ZNF469: variants seen among roughly 807,000 people sequenced by gnomAD.
ZNF469 encodes zinc finger protein 469.
ZNF469 carries 1 observed loss-of-function variant against 1.0 expected under a neutral mutation model. That is an observed-to-expected ratio of 1.00 (90% CI 0.35 to 4.73). The LOEUF is 4.73. Ranked by LOEUF, ZNF469 falls within the 30% of genes most tolerant of loss-of-function variation. ZNF469 has a pLI of 0.16. For missense variants in ZNF469, 6,100 were observed against 5,356.3 expected, an observed-to-expected ratio of 1.14 and a Z score of -4.33; for synonymous variants, 2,703 against 2,363.4, an observed-to-expected ratio of 1.14 and a Z score of -4.17.
chr16:88,176,738 T>A, the ZNF469 span, among the ~76,000 whole-genome samples: 1 of 152,198 alleles, frequency 6.6e-6, no homozygotes, highest in Non-Finnish European at 1.5e-5. Context: ...CCGGCCCACA[T>A]ACAGCCCCGG....
At chr16:88,108,251 G>T in the ZNF469 span, among the ~76,000 whole-genome samples, 1 of 150,956 alleles carries the variant, frequency 6.6e-6, no homozygotes, top group East Asian at 1.9e-4. Flanking sequence ...GGGGGTCCAT[G>T]TCTGTGGGGA....
At chr16:88,406,483 C>G (rs974607174) in intron 1 of ZNF469, among the ~76,000 whole-genome samples, 4 of 152,246 alleles carry the variant, frequency 2.6e-5, no homozygotes, top group African/African-American at 9.6e-5. Flanking sequence ...TCCAGGTAGC[C>G]TGCGCCTGCC....
chr16:88,120,198 A>G, the ZNF469 span, among the ~76,000 whole-genome samples: 1 of 152,074 alleles, frequency 6.6e-6, no homozygotes, highest in African/African-American at 2.4e-5. Flanking sequence ...GTGGTTGCCG[A>G]GGAGGAGAGC....
At chr16:88,398,323 C>A (rs948893753) in intron 1 of ZNF469, among the ~76,000 whole-genome samples, 70 of 151,592 alleles carry the variant, frequency 4.6e-4, no homozygotes, top group Non-Finnish European at 7.2e-4. Flanking sequence ...AGATGAAGGG[C>A]CACGTGAGCC....
At chr16:88,371,284 T>G in the ZNF469 span, among the ~76,000 whole-genome samples, 2 of 152,204 alleles carry the variant, frequency 1.3e-5, no homozygotes, top group Admixed American at 6.5e-5. Context: ...AATGCTCCGA[T>G]AGATAAACAA....
At chr16:88,366,848 C>T in the ZNF469 span, among the ~76,000 whole-genome samples, 1 of 150,604 alleles carries the variant, frequency 6.6e-6, no homozygotes, top group African/African-American at 2.4e-5. Context: ...TCATTACCAT[C>T]ACTACCACAC....
the ZNF469 span, among the ~76,000 whole-genome samples, chr16:88,261,430 TG>T: frequency 2.6e-5 from 4 of 152,106 alleles, no homozygotes; most frequent in African/African-American, 9.7e-5. The surrounding 1 kb of genome is among the most constrained non-coding windows in gnomAD (Gnocchi z 6.0). Flanking sequence ...CAGTAGGTCA[TG>T]CCCCCCGCTG....
Position 88,434,549 on chromosome 16 carries a change from C to G in ZNF469, c.7079C>G (p.Pro2360Arg), listed in dbSNP as rs76389306. ...TEPPTLQGAG[P>R]DSPACLEGEM... The stretch of plus-strand genomic sequence containing the variant: ...CCTCCCACGCTACAGGGTGCAGGGC[C>G]GGACTCCCCCGCCTGCCTGGAAGGT... Residue 2360 changes from proline to arginine, a missense_variant, in exon 3 of 3, where the codon CCG becomes CGG. Coordinates refer to ENST00000565624, the MANE Select transcript of ZNF469 (RefSeq NM_001367624.2). The G allele has an allele frequency of 6.5e-7, 1 of 1,550,216 alleles. No individual in the cohort carries two copies. The highest frequency in any genetic ancestry group is 1.4e-5 in the African/African-American group (1 of 73,056).
At chr16:88,334,713 G>A in the ZNF469 span, among the ~76,000 whole-genome samples, 1 of 152,248 alleles carries the variant, frequency 6.6e-6, no homozygotes, top group Admixed American at 6.5e-5. Flanking sequence ...TCCTGGACCA[G>A]GGTGGGGCCT....
chr16:88,245,705 G>T, the ZNF469 span, among the ~76,000 whole-genome samples: 1 of 152,250 alleles, frequency 6.6e-6, no homozygotes, highest in African/African-American at 2.4e-5. Context: ...AGACTCCCCG[G>T]CCTATTTTTA....
intron 1 of ZNF469, among the ~76,000 whole-genome samples, chr16:88,404,149 C>T (rs972007474): frequency 2.0e-5 from 3 of 151,216 alleles, no homozygotes; most frequent in African/African-American, 7.3e-5. Flanking sequence ...TAAACATATA[C>T]AAGAGCAGCG....
the ZNF469 span, among the ~76,000 whole-genome samples, chr16:88,275,164 C>T: frequency 2.0e-5 from 3 of 152,134 alleles, no homozygotes; most frequent in Admixed American, 6.6e-5. Flanking sequence ...GAGCCTGCCG[C>T]GCATTTGGCC....
Position 88,428,591 on chromosome 16 carries a change from A to G in ZNF469, c.1121A>G (p.Lys374Arg), listed in dbSNP as rs1485560297. The change falls in exon 3 of 3, where the codon AAG becomes AGG. Residue 374 changes from lysine to arginine, a missense_variant. By Grantham distance (26) the Lys-to-Arg change is conservative. Transcript: ENST00000565624. ...AGACCCTTCTCTGACAGTTTACACA[A>G]GAGCCTGACCAAAATCCTTCCCGAA... Reference protein sequence around the residue: ...APRPFSDSLHKSLTKILPERP... With the variant: ...APRPFSDSLHRSLTKILPERP... The G allele has an allele frequency of 6.5e-7, 1 of 1,550,196 alleles. No homozygotes were observed. The highest frequency in any genetic ancestry group is 8.7e-7 in the Non-Finnish European group (1 of 1,146,872).
the ZNF469 span, among the ~76,000 whole-genome samples, chr16:88,348,928 G>A: frequency 1.3e-5 from 2 of 152,276 alleles, no homozygotes; most frequent in African/African-American, 2.4e-5. Flanking sequence ...CCGCTCTCCC[G>A]GGACAGGGTA....
chr16:88,286,052 C>T, the ZNF469 span, among the ~76,000 whole-genome samples: 3 of 152,264 alleles, frequency 2.0e-5, no homozygotes, highest in Non-Finnish European at 4.4e-5. Flanking sequence ...GCCCAGGAGC[C>T]CCAGTCCCAG....
the ZNF469 span, among the ~76,000 whole-genome samples, chr16:88,175,946 T>C: frequency 6.6e-6 from 1 of 152,222 alleles, no homozygotes; most frequent in Non-Finnish European, 1.5e-5. Context: ...CCTACCTTAA[T>C]CTGTACGATT....
chr16:88,382,357 G>T (rs556715490), upstream of ZNF469, among the ~76,000 whole-genome samples: 5 of 152,342 alleles, frequency 3.3e-5, no homozygotes, highest in East Asian at 9.7e-4. Flanking sequence ...TCCCTCTCTA[G>T]GGGCCTGGAT....
At chr16:88,333,876 GTGTT>G in the ZNF469 span, among the ~76,000 whole-genome samples, 22 of 151,366 alleles carry the variant, frequency 1.5e-4, no homozygotes, top group Admixed American at 2.0e-4. Context: ...GTGTGTGTGT[GTGTT>G]TGTGTGTCTG....
chr16:88,213,957 C>G, the ZNF469 span, among the ~76,000 whole-genome samples: 3 of 152,172 alleles, frequency 2.0e-5, no homozygotes, highest in East Asian at 5.8e-4. Flanking sequence ...CTCTGTCATG[C>G]AGACATGCTG....
Sources: allele counts gnomAD v4.1 joint callset (sites outside exome capture counted in the v4.1 genomes callset), GRCh38; gene constraint gnomAD v4.1.1; non-coding constraint Gnocchi (gnomAD v3.1); transcripts MANE v1.5; gene names NCBI Gene and HGNC (gene_info 2026-07-23, HGNC 2026-07-21).